The following LCOR variants were observed in gnomAD, a reference collection of about 807,000 sequenced individuals.
The protein encoded by LCOR is ligand dependent nuclear receptor corepressor.
Under a neutral mutation model 64.4 loss-of-function variants are expected in LCOR, and 14 were observed. The observed-to-expected ratio is 0.22, with a 90% confidence interval of 0.14 to 0.34. LCOR has a LOEUF of 0.34. Ranked by LOEUF, LCOR falls within the 10% of genes least tolerant of loss-of-function variation. LCOR has a pLI of 1.00. For missense variants in LCOR, 1,686 were observed against 1,765.3 expected, an observed-to-expected ratio of 0.96 and a Z score of 0.80; for synonymous variants, 643 against 642.5, an observed-to-expected ratio of 1.00 and a Z score of -0.01.
At chr10:96,919,002 T>TA (rs770515322) in intron 4 of LCOR, among the ~76,000 whole-genome samples, 18 of 152,210 alleles carry the variant, frequency 1.2e-4, no homozygotes, top group Non-Finnish European at 2.4e-4. Flanking sequence ...GCGTTAAGTA[T>TA]AAAAAACTAC....
intron 5 of LCOR, among the ~76,000 whole-genome samples, chr10:96,947,372 A>G (rs1057078955): frequency 6.6e-6 from 1 of 152,044 alleles, no homozygotes; most frequent in Non-Finnish European, 1.5e-5. Context: ...CTTTCGGGGG[A>G]AAAAATTGCC....
At chr10:96,932,817 A>G (rs2134492185) in intron 4 of LCOR, among the ~76,000 whole-genome samples, 1 of 152,296 alleles carries the variant, frequency 6.6e-6, no homozygotes, top group East Asian at 1.9e-4. Flanking sequence ...GCACCATAGT[A>G]CCCCGAACAC....
intron 7 of LCOR, among the ~76,000 whole-genome samples, chr10:96,968,532 C>A (rs754774020): frequency 6.6e-6 from 1 of 152,114 alleles, no homozygotes; most frequent in Non-Finnish European, 1.5e-5. Context: ...TGTTAAAAAT[C>A]AGCATTAATA....
At chr10:96,980,680 C>G in intron 7 of LCOR, 113 bp from the exon 8 acceptor site, 1 of 590,960 alleles carries the variant, frequency 1.7e-6, no homozygotes, top group Non-Finnish European at 3.0e-6. Context: ...GACCCTGTAT[C>G]TACAAAAAAT....
At chr10:96,933,667 A>G (rs1847301471) in intron 4 of LCOR, among the ~76,000 whole-genome samples, 1 of 151,946 alleles carries the variant, frequency 6.6e-6, no homozygotes, top group South Asian at 2.1e-4. Context: ...TTACAGGTGC[A>G]TGCCACCACG....
intron 4 of LCOR, among the ~76,000 whole-genome samples, chr10:96,926,234 G>C (rs1037304034): frequency 2.0e-5 from 3 of 152,042 alleles, no homozygotes; most frequent in Non-Finnish European, 4.4e-5. Context: ...TCCTTATCTT[G>C]GTTTGCATTT....
intron 4 of LCOR, among the ~76,000 whole-genome samples, chr10:96,934,349 C>A (rs1224815760): frequency 6.6e-6 from 1 of 152,168 alleles, no homozygotes; most frequent in Non-Finnish European, 1.5e-5. Flanking sequence ...ACTCTCATCC[C>A]TCCCTCATTT....
At chr10:96,832,775 C>G (rs1411655523) in intron 1 of LCOR, among the ~76,000 whole-genome samples, 1 of 150,770 alleles carries the variant, frequency 6.6e-6, no homozygotes, top group Non-Finnish European at 1.5e-5. Context: ...TGGCGACTCG[C>G]CTCGCGGCGC....
rs897698596 is a variant in LCOR at position 96,994,958 on chromosome 10, T to C, written c.*9824T>C. 1.3e-5 allele frequency: 2 copies of C among 152,210 alleles called. No homozygotes were observed. The highest frequency in any genetic ancestry group is 2.9e-5 in the Non-Finnish European group (2 of 68,036). 9.4% of individuals were successfully genotyped at this position (152,210 alleles called of 1,614,324 possible). A position where few individuals can be genotyped will look rare whatever the true frequency, so the allele number is the denominator to read the frequency against. On this transcript the variant is annotated 3_prime_UTR_variant, in exon 8 of 8. Coordinates refer to ENST00000421806, the MANE Select transcript of LCOR (RefSeq NM_001346516.2). ...TACTAAGAAATTCAACCCCAACCTG[T>C]ATGAAAAGCACAGCCCAGGGCCCTA...
chr10:96,938,716 ATT>A lies in LCOR; in HGVS notation c.-183-5396_-183-5395del, dbSNP rs1847395505. Among the ~76,000 whole-genome samples, 4 of 152,334 alleles carry A rather than the reference ATT, an allele frequency of 2.6e-5. No individual in the cohort carries two copies. In the South Asian group the frequency reaches 8.3e-4, roughly 32 times the overall value. On this transcript the variant is annotated intron_variant, in intron 4 of 7. Coordinates refer to ENST00000421806, the MANE Select transcript of LCOR (RefSeq NM_001346516.2). Reference sequence around the variant, plus strand: ...TACCCGTCATTAAAAAAAAATAATAATTGTATTGCTATACACTAGCAGTGAAC... The same window carrying A: ...TACCCGTCATTAAAAAAAAATAATAAGTATTGCTATACACTAGCAGTGAAC...
intron 2 of LCOR, among the ~76,000 whole-genome samples, chr10:96,877,407 C>G (rs1846186318): frequency 6.6e-6 from 1 of 151,898 alleles, no homozygotes; most frequent in South Asian, 2.1e-4. Context: ...TGTCTGTAGT[C>G]CCAGTACTTG....
At chr10:96,909,666 G>C (rs1265456425) in intron 4 of LCOR, among the ~76,000 whole-genome samples, 1 of 152,214 alleles carries the variant, frequency 6.6e-6, no homozygotes, top group Admixed American at 6.5e-5. Context: ...GCCAACATAA[G>C]TGCTTTTTCA....
chr10:96,966,955 C>CG (rs1419410102), intron 7 of LCOR, among the ~76,000 whole-genome samples: 3 of 152,138 alleles, frequency 2.0e-5, no homozygotes, highest in East Asian at 3.9e-4. Flanking sequence ...TGGCTGGTCT[C>CG]GAACTCCTGA....
chr10:96,984,718 A>G lies in LCOR; in HGVS notation c.4258A>G (p.Ser1420Gly). ...SKNKGPTVKA[S>G]KEKHADGATK... ...GAACAAGGGGCCTACGGTGAAAGCC[A>G]GCAAAGAAAAGCATGCTGATGGAGC... The change falls in exon 8 of 8, where the codon AGC becomes GGC. Residue 1420 changes from serine to glycine, a missense_variant. Ser to Gly is a moderately conservative substitution (Grantham distance 56). This residue lies in a region of LCOR where 1,293 missense variants were observed against 1,410.4 expected (regional missense o/e 0.92). Transcript: ENST00000421806. The G allele has an allele frequency of 1.9e-6, 3 of 1,613,964 alleles. No individual in the cohort carries two copies. Among genetic ancestry groups the G allele is most frequent in the East Asian group, 2.2e-5 (1 of 44,882 alleles).
intron 2 of LCOR, among the ~76,000 whole-genome samples, chr10:96,839,598 T>C (rs1354130750): frequency 6.6e-6 from 1 of 152,228 alleles, no homozygotes; most frequent in Admixed American, 6.5e-5. Flanking sequence ...GGAATCTCAC[T>C]AGCAGTATTT....
At chr10:96,969,008 C>G (rs1040982786) in intron 7 of LCOR, among the ~76,000 whole-genome samples, 1 of 152,032 alleles carries the variant, frequency 6.6e-6, no homozygotes, top group South Asian at 2.1e-4. Flanking sequence ...TGAACCTTCC[C>G]GAGTTTCAGT....
chr10:96,866,935 G>C (rs1340785936), intron 2 of LCOR, among the ~76,000 whole-genome samples: 1 of 152,122 alleles, frequency 6.6e-6, no homozygotes, highest in Non-Finnish European at 1.5e-5. Flanking sequence ...CAATGTATGA[G>C]AGATTGGTTT....
At chr10:96,837,949 AT>A (rs527988793) in intron 2 of LCOR, among the ~76,000 whole-genome samples, 30 of 152,356 alleles carry the variant, frequency 2.0e-4, no homozygotes, top group African/African-American at 7.2e-4. Flanking sequence ...ATAGATGCAA[AT>A]AAGCAAAGCT....
chr10:96,842,721 C>T (rs1339008773), intron 2 of LCOR, among the ~76,000 whole-genome samples: 2 of 147,818 alleles, frequency 1.4e-5, no homozygotes, highest in Non-Finnish European at 3.0e-5. Flanking sequence ...TCCTTTTCCT[C>T]CCAGGTTCAA....
Sources: allele counts gnomAD v4.1 joint callset (sites outside exome capture counted in the v4.1 genomes callset), GRCh38; gene constraint gnomAD v4.1.1; regional missense constraint gnomAD v4.1.1; transcripts MANE v1.5; gene names NCBI Gene and HGNC (gene_info 2026-07-23, HGNC 2026-07-21).